The following HHLA1 variants were observed in gnomAD, a reference collection of about 807,000 sequenced individuals.
HHLA1 encodes the protein HERV-H LTR-associating protein 1.
In HHLA1, 72 loss-of-function variants were observed where a neutral mutation model predicts 69.9. The observed-to-expected ratio is 1.03, with a 90% CI of 0.85 to 1.25. The LOEUF (loss-of-function observed/expected upper bound fraction) is 1.25. Ranked by LOEUF, HHLA1 falls within the 50% of genes most tolerant of loss-of-function variation. The probability of loss-of-function intolerance (pLI) is 0.00; values close to 1 mark genes in which losing one functional copy is unlikely to be tolerated. For missense variants in HHLA1, 685 were observed against 642.2 expected (o/e 1.07, Z -0.72); for synonymous variants, 252 against 233.2 (o/e 1.08, Z -0.73).
rs984488472 is a variant in HHLA1 at position 132,098,943 on chromosome 8, G to A, written c.219C>T (p.Ile73=). The A allele has an allele frequency of 4.5e-6, 7 of 1,550,294 alleles. No individual in the cohort carries two copies. The highest frequency in any genetic ancestry group is 2.4e-5 in the East Asian group (1 of 40,880). ...CTGTCAGGTTAAGCGCGGACAGATCGATTGACCTTGCGGGCAGCTCTGAAA... is the reference window on the plus strand; with the variant it reads ...CTGTCAGGTTAAGCGCGGACAGATCAATTGACCTTGCGGGCAGCTCTGAAA... The part of the protein sequence containing the change: ...LATTELPARS[I]DLSALNLTEL... Residue 73 remains isoleucine, a synonymous_variant, in exon 5 of 17, where the codon ATC becomes ATT. Transcript: ENST00000414222.
intron 10 of HHLA1, among the ~76,000 whole-genome samples, chr8:132,086,870 C>T (rs1008524592): frequency 6.6e-6 from 1 of 152,170 alleles, no homozygotes. Context: ...TTATTGTATC[C>T]TTCATTGCAC....
intron 7 of HHLA1, among the ~76,000 whole-genome samples, chr8:132,093,677 T>C (rs919992219): frequency 3.3e-5 from 5 of 152,214 alleles, no homozygotes; most frequent in African/African-American, 1.2e-4. Flanking sequence ...TGTGAAAATA[T>C]GATTTGACTC....
At position 132,081,373 on chromosome 8, in the gene HHLA1, GA is replaced by G. The variant is rs569972912; in HGVS notation, c.677-1408del. Among the ~76,000 whole-genome samples the G allele has an allele frequency of 3.0e-3, 450 of 152,282 alleles. 2 individuals are homozygous for G. Among genetic ancestry groups the G allele is most frequent in the African/African-American group, 0.01 (435 of 41,556 alleles). The stretch of plus-strand genomic sequence containing the variant: ...AGGACAGGCCTGAATTCTGAGAAGG[GA>G]AAGTGGTAAAAGTATTGTCCAGTCC... On this transcript the variant is annotated intron_variant, in intron 10 of 16. Transcript: ENST00000414222.
intron 1 of HHLA1, among the ~76,000 whole-genome samples, chr8:132,109,425 A>G (rs566654770): frequency 1.2e-5 from 1 of 85,988 alleles, no homozygotes; most frequent in East Asian, 2.7e-4. Flanking sequence ...GGACTCCTAT[A>G]AGCATATGAA....
chr8:132,094,402 G>A (rs1169865262), intron 7 of HHLA1, among the ~76,000 whole-genome samples: 1 of 152,082 alleles, frequency 6.6e-6, no homozygotes, highest in Non-Finnish European at 1.5e-5. Context: ...ACTTCTATAT[G>A]ATCTGCAACA....
Position 132,064,051 on chromosome 8 carries a change from C to CAGAAGA in HHLA1, c.1553-19_1553-14dup. 1 of 1,301,288 alleles carries CAGAAGA rather than the reference C, an allele frequency of 7.7e-7. No homozygotes were observed. The highest frequency in any genetic ancestry group is 1.0e-6 in the Non-Finnish European group (1 of 986,010). The allele number at this position is 1,301,288 out of a possible 1,614,324, so 80.6% of individuals were successfully genotyped here. A position where few individuals can be genotyped will look rare whatever the true frequency, so the allele number is the denominator to read the frequency against. ...TTTTGCTTTAAGGCTGAAAAAAAAG[C>CAGAAGA]AGAAGAAGAAGGAACTCAAGGTACT... is the stretch of plus-strand genomic sequence containing the variant. On this transcript the variant is annotated splice_polypyrimidine_tract_variant and intron_variant, in intron 16 of 16. Coordinates refer to ENST00000414222, the MANE Select transcript of HHLA1 (RefSeq NM_001145095.3).
intron 8 of HHLA1, among the ~76,000 whole-genome samples, chr8:132,088,219 G>T (rs2130890286): frequency 6.6e-6 from 1 of 152,240 alleles, no homozygotes; most frequent in East Asian, 1.9e-4. Context: ...TTATAAAATG[G>T]TGAAAATTCA....
Position 132,065,963 on chromosome 8 carries a change from C to T in HHLA1, c.1475G>A (p.Cys492Tyr). The T allele has an allele frequency of 7.8e-7, 1 of 1,284,802 alleles. No homozygotes were observed. 79.6% of individuals were successfully genotyped at this position (1,284,802 alleles called of 1,614,324 possible). A position where few individuals can be genotyped will look rare whatever the true frequency, so the allele number is the denominator to read the frequency against. ...CAGAAACCAGGAATAGTATTCAAGA[C>T]AGTATCTAAAGATTTAAATCAGAGC... is the stretch of plus-strand genomic sequence containing the variant. ...RSPRTEDMRY[C>Y]LEYYSWFLKN... The change falls in exon 16 of 17, where the codon TGT becomes TAT. Residue 492 changes from cysteine (C) to tyrosine (Y), a missense_variant. Transcript: ENST00000414222.
At chr8:132,106,764 C>T (rs1824207271) in intron 1 of HHLA1, among the ~76,000 whole-genome samples, 1 of 152,172 alleles carries the variant, frequency 6.6e-6, no homozygotes, top group Non-Finnish European at 1.5e-5. Flanking sequence ...AAATTCTCCA[C>T]TGAGAGAGAG....
At chr8:132,096,499 A>AC (rs1204184257) in intron 5 of HHLA1, among the ~76,000 whole-genome samples, 1 of 151,858 alleles carries the variant, frequency 6.6e-6, no homozygotes, top group African/African-American at 2.4e-5. Context: ...AGTCTACTAC[A>AC]CAAAGAAAGG....
At chr8:132,069,079 A>C (rs921751935) in intron 15 of HHLA1, among the ~76,000 whole-genome samples, 3 of 152,190 alleles carry the variant, frequency 2.0e-5, no homozygotes, top group Admixed American at 2.0e-4. Flanking sequence ...CAGGTGCTTA[A>C]AAGGCAAGGT....
intron 10 of HHLA1, among the ~76,000 whole-genome samples, chr8:132,083,890 G>A (rs945106686): frequency 3.3e-5 from 5 of 152,186 alleles, no homozygotes; most frequent in East Asian, 1.9e-4. Flanking sequence ...TTTGAGGGCC[G>A]GAATTTAATT....
chr8:132,077,852 C>A lies in HHLA1; in HGVS notation c.1045G>T (p.Glu349Ter). ...SEKKPGGSLWETRSSPPTTAG... is the reference protein window; with the variant it reads ...SEKKPGGSLW ...GTAGTCGGTGGGGAAGAACGAGTTT[C>A]CCAGAGAGACCCTCCAGGTTTTTTC... The change falls in exon 12 of 17, where the codon GAA (glutamate) becomes TAA (stop). Residue 349 changes from glutamate to a stop codon, truncating the protein, a stop_gained. Transcript: ENST00000414222. LOFTEE classifies it high-confidence loss of function. 2.6e-6 allele frequency: 4 copies of A among 1,551,502 alleles called. No homozygotes were observed. Among genetic ancestry groups the A allele is most frequent in the Non-Finnish European group, 3.5e-6 (4 of 1,146,932 alleles).
intron 10 of HHLA1, among the ~76,000 whole-genome samples, chr8:132,084,409 G>A (rs1823823355): frequency 7.4e-6 from 1 of 135,018 alleles, no homozygotes; most frequent in Admixed American, 7.8e-5. Flanking sequence ...AGGAAGATTT[G>A]GGACGAGTTG....
Position 132,076,108 on chromosome 8 carries a change from G to C in HHLA1, c.1262C>G (p.Pro421Arg), listed in dbSNP as rs1326858977. 2 of 1,551,222 alleles carry C rather than the reference G, an allele frequency of 1.3e-6. No individual in the cohort carries two copies. Among genetic ancestry groups the C allele is most frequent in the Non-Finnish European group, 1.7e-6 (2 of 1,146,838 alleles). Residue 421 changes from proline (P) to arginine (R), a missense_variant, in exon 14 of 17, where the codon CCA becomes CGA. Coordinates refer to ENST00000414222, the MANE Select transcript of HHLA1 (RefSeq NM_001145095.3). Reference sequence around the variant, plus strand: ...GACTGGCTCTTCACCAGCAGTGAATGGCCACTCTGCAGAGAGATCACCTGC... The same window carrying C: ...GACTGGCTCTTCACCAGCAGTGAATCGCCACTCTGCAGAGAGATCACCTGC... ...PQTGDLSAEW[P>R]FTAGEEPVLV...
intron 4 of HHLA1, 92 bp downstream of exon 4, chr8:132,099,983 T>C: frequency 1.1e-6 from 1 of 902,870 alleles, no homozygotes; most frequent in Non-Finnish European, 1.8e-6. Flanking sequence ...GATGACGTTC[T>C]CGCCACTGTG....
chr8:132,068,549 G>A (rs1487501196), intron 15 of HHLA1, among the ~76,000 whole-genome samples: 1 of 152,204 alleles, frequency 6.6e-6, no homozygotes, highest in Non-Finnish European at 1.5e-5. Context: ...CAGTTGTTAA[G>A]GTGGCCTATT....
In HHLA1 at chr8:132,101,374, T is replaced by C; in HGVS notation, c.140-1240A>G. Reference sequence around the variant, plus strand: ...TCATCTTGTCCAACACTTTGAAGAATGGATAAACTGAAATCCCCAAACTTG... The same window carrying C: ...TCATCTTGTCCAACACTTTGAAGAACGGATAAACTGAAATCCCCAAACTTG... On this transcript the variant is annotated intron_variant, in intron 3 of 16. Transcript: ENST00000414222. The C allele has an allele frequency of 2.8e-6, 4 of 1,419,288 alleles. No homozygotes were observed. The South Asian group carries it at 6.1e-5, about 22-fold the overall frequency. 87.9% of individuals were successfully genotyped at this position (1,419,288 alleles called of 1,614,324 possible).
At chr8:132,067,673 C>T (rs910226159) in intron 15 of HHLA1, among the ~76,000 whole-genome samples, 4 of 152,204 alleles carry the variant, frequency 2.6e-5, no homozygotes, top group Admixed American at 6.5e-5. Flanking sequence ...CGCAGCGTTC[C>T]AGGTACCATG....
Sources: gnomAD v4.1 joint callset for allele counts (sites outside exome capture counted in the v4.1 genomes callset) on GRCh38, gnomAD v4.1.1 for gene constraint, MANE v1.5 for transcripts, NCBI Gene and HGNC (gene_info 2026-07-23, HGNC 2026-07-21) for gene names.